Variants in ZSCAN1 observed in about 807,000 individuals in gnomAD.
ZSCAN1 encodes zinc finger and SCAN domain containing 1.
In ZSCAN1, 23 loss-of-function variants were observed where a neutral mutation model predicts 23.8. The ratio of observed to expected loss-of-function variants is 0.97; its 90% confidence interval spans 0.70 to 1.37. The LOEUF (loss-of-function observed/expected upper bound fraction) is 1.37. Among genes scored for constraint, ZSCAN1 ranks in the 40% most tolerant of loss-of-function variants. ZSCAN1 has a pLI of 0.00. For missense variants in ZSCAN1, 575 were observed against 554.0 expected (o/e 1.04, Z -0.38); for synonymous variants, 236 against 232.3 (o/e 1.02, Z -0.15).
intron 4 of ZSCAN1, chr19:58,044,976 G>C: frequency 8.9e-7 from 1 of 1,127,996 alleles, no homozygotes; most frequent in South Asian, 1.3e-5. Context: ...TGAAGGACAA[G>C]AACAAGAAGC....
chr19:58,035,096 ACT>A (rs1307845852), intron 1 of ZSCAN1, among the ~76,000 whole-genome samples: 2 of 151,832 alleles, frequency 1.3e-5, no homozygotes, highest in African/African-American at 4.8e-5. Context: ...TCCAAGTGAC[ACT>A]CTCTCACACA....
At chr19:58,034,434 G>A (rs1274238277) in intron 1 of ZSCAN1, among the ~76,000 whole-genome samples, 3 of 151,886 alleles carry the variant, frequency 2.0e-5, no homozygotes, top group Non-Finnish European at 2.9e-5. Flanking sequence ...CGCCCCTTCC[G>A]CAGGGACCCC....
intron 4 of ZSCAN1, among the ~76,000 whole-genome samples, chr19:58,048,509 T>C (rs2123438037): frequency 6.6e-6 from 1 of 152,368 alleles, no homozygotes; most frequent in Non-Finnish European, 1.5e-5. Flanking sequence ...AGATGGAGTC[T>C]TGCTCTGTTG....
Position 58,045,285 on chromosome 19 carries a change from A to G in ZSCAN1, c.465+4741A>G, listed in dbSNP as rs2073817919. 2 of 791,290 alleles carry G rather than the reference A, an allele frequency of 2.5e-6. No homozygotes were observed. The highest frequency in any genetic ancestry group is 3.4e-5 in the African/African-American group (2 of 59,366). The allele number at this position is 791,290 out of a possible 1,614,324, so 49.0% of individuals were successfully genotyped here. ...GCCTGTTGCTGTGAAACTCTTCCCC[A>G]ACATGTTGCCATCCACATCCGAGAC... On this transcript the variant is annotated intron_variant, in intron 4 of 5. Coordinates refer to ENST00000282326, the MANE Select transcript of ZSCAN1 (RefSeq NM_182572.4). The surrounding 1 kb of genome is among the most constrained non-coding windows in gnomAD (Gnocchi z 4.3).
intron 4 of ZSCAN1, among the ~76,000 whole-genome samples, chr19:58,041,175 C>A (rs1012533721): frequency 1.3e-5 from 2 of 152,256 alleles, no homozygotes; most frequent in African/African-American, 2.4e-5. Context: ...TGACCACTTT[C>A]TGCCTCTGGA....
Position 58,054,001 on chromosome 19 carries a change from G to C in ZSCAN1, c.1177G>C (p.Val393Leu). Reference protein sequence around the residue: ...SVCGKAFPWMVHLIDHQKLHT... With the variant: ...SVCGKAFPWMLHLIDHQKLHT... ...CTGCGGGAAGGCCTTCCCCTGGATG[G>C]TCCACCTCATTGACCACCAGAAGCT... Residue 393 changes from valine (V) to leucine (L), a missense_variant, in exon 6 of 6, where the codon GTC (valine) becomes CTC (leucine). By Grantham distance (32) the Val-to-Leu change is conservative (BLOSUM62 1). Coordinates refer to ENST00000282326, the MANE Select transcript of ZSCAN1 (RefSeq NM_182572.4). The surrounding 1 kb of genome is among the most constrained non-coding windows in gnomAD (Gnocchi z 4.2). 6.4e-7 allele frequency: 1 copy of C among 1,565,616 alleles called. No individual in the cohort carries two copies. Among genetic ancestry groups the C allele is most frequent in the Non-Finnish European group, 8.7e-7 (1 of 1,155,640 alleles).
chr19:58,046,410 C>T (rs532664694), intron 4 of ZSCAN1: 53 of 876,540 alleles, frequency 6.0e-5, no homozygotes, highest in Admixed American at 5.6e-4. Flanking sequence ...AGCAGATAAT[C>T]GGGCAGATCA....
At position 58,054,213 on chromosome 19, in the gene ZSCAN1, C is replaced by T; in HGVS notation, c.*162C>T. On this transcript the variant is annotated 3_prime_UTR_variant, in exon 6 of 6. Transcript: ENST00000282326. The surrounding 1 kb of genome is among the most constrained non-coding windows in gnomAD (Gnocchi z 4.2). ...TCTCGGAAGACCCTGGACACCTGCT[C>T]CGAAGCCAAGCACGGGATGGGGCTT... 1.0e-6 allele frequency: 1 copy of T among 1,000,144 alleles called. No homozygotes were observed. The highest frequency in any genetic ancestry group is 1.4e-6 in the Non-Finnish European group (1 of 716,558). The allele number at this position is 1,000,144 out of a possible 1,614,324, so 62.0% of individuals were successfully genotyped here.
intron 1 of ZSCAN1, chr19:58,035,455 C>T (rs1049075357): frequency 6.6e-6 from 1 of 152,296 alleles, no homozygotes; most frequent in Non-Finnish European, 1.5e-5. Flanking sequence ...AGCCCAGGAC[C>T]CTGGAGGATG....
rs143287637 is a variant in ZSCAN1, at chr19:58,038,049, G to A, written c.213G>A (p.Ala71=). ...GCCGCCAGTGGCTGAGGCCCGAGGC[G>A]CGCTCCAAGGAGCAGATGCTGGAGC... ...TLCRQWLRPE[A]RSKEQMLELL... is the part of the protein sequence containing the mutation. The change falls in exon 3 of 6, where the codon GCG becomes GCA. Residue 71 remains alanine (A), a synonymous_variant. Transcript: ENST00000282326. The A allele has an allele frequency of 2.1e-4, 341 of 1,611,866 alleles. 3 individuals are homozygous for A. The highest frequency in any genetic ancestry group is 1.2e-3 in the South Asian group (109 of 91,046).
Position 58,054,004 on chromosome 19 carries a change from CA to C in ZSCAN1, c.1181del (p.His394ProfsTer56). On this transcript the variant is annotated frameshift_variant, in exon 6 of 6. Coordinates refer to ENST00000282326, the MANE Select transcript of ZSCAN1 (RefSeq NM_182572.4). LOFTEE classifies it low-confidence loss of function (END_TRUNC). This position sits in a 1 kb window ranked among gnomAD's most constrained non-coding sequence, Gnocchi z 4.2. ...VCGKAFPWMV[H>X]LIDHQKLHTA... ...CGGGAAGGCCTTCCCCTGGATGGTCCACCTCATTGACCACCAGAAGCTCCAC... is the reference window on the plus strand; with the variant it reads ...CGGGAAGGCCTTCCCCTGGATGGTCCCCTCATTGACCACCAGAAGCTCCAC... 6.4e-7 allele frequency: 1 copy of C among 1,562,776 alleles called. No individual in the cohort carries two copies. Among genetic ancestry groups the C allele is most frequent in the Admixed American group, 1.9e-5 (1 of 52,990 alleles).
intron 4 of ZSCAN1, among the ~76,000 whole-genome samples, chr19:58,043,496 A>G (rs1269597130): frequency 6.6e-6 from 1 of 152,232 alleles, no homozygotes; most frequent in Non-Finnish European, 1.5e-5. Flanking sequence ...TGAGACTGGA[A>G]GTTGCTCTGG....
In ZSCAN1 at chr19:58,053,860, C is replaced by G. The variant is rs371666572; in HGVS notation, c.1036C>G (p.Pro346Ala). The G allele has an allele frequency of 7.4e-6, 12 of 1,613,738 alleles. No individual in the cohort carries two copies. The highest frequency in any genetic ancestry group is 6.7e-5 in the African/African-American group (5 of 74,924). Residue 346 changes from proline (P) to alanine (A), a missense_variant, in exon 6 of 6, where the codon CCA (proline) becomes GCA (alanine). Transcript: ENST00000282326. The surrounding 1 kb of genome is among the most constrained non-coding windows in gnomAD (Gnocchi z 5.8). Reference protein sequence around the residue: ...TEHGKIHLLEPPRKKAPRSKG... With the variant: ...TEHGKIHLLEAPRKKAPRSKG... ...GCATGGCAAGATCCACCTGCTGGAGCCACCGAGGAAGAAAGCCCCCCGGAG... is the reference window on the plus strand; with the variant it reads ...GCATGGCAAGATCCACCTGCTGGAGGCACCGAGGAAGAAAGCCCCCCGGAG...
At chr19:58,055,029 C>T (rs1036301583), downstream of ZSCAN1, among the ~76,000 whole-genome samples, 2 of 152,222 alleles carry the variant, frequency 1.3e-5, no homozygotes, top group South Asian at 4.1e-4. Flanking sequence ...GGCTTCTCAC[C>T]CGTCCCCAAC....
In ZSCAN1 at chr19:58,045,495, A is replaced by G; in HGVS notation, c.465+4951A>G. The G allele has an allele frequency of 7.3e-7, 1 of 1,374,980 alleles. No individual in the cohort carries two copies. The highest frequency in any genetic ancestry group is 1.2e-5 in the South Asian group (1 of 86,322). 85.2% of individuals were successfully genotyped at this position (1,374,980 alleles called of 1,614,324 possible). On this transcript the variant is annotated intron_variant, in intron 4 of 5. Coordinates refer to ENST00000282326, the MANE Select transcript of ZSCAN1 (RefSeq NM_182572.4). The surrounding 1 kb of genome is among the most constrained non-coding windows in gnomAD (Gnocchi z 4.3). Reference sequence around the variant, plus strand: ...GGGGGAGAGGCCCAGCAATGAGGAAATCATGGGTTTTTCCAAATTATTTGA... The same window carrying G: ...GGGGGAGAGGCCCAGCAATGAGGAAGTCATGGGTTTTTCCAAATTATTTGA...
chr19:58,047,951 CAT>C lies in ZSCAN1; in HGVS notation c.466-4536_466-4535del, dbSNP rs1357799575. On this transcript the variant is annotated intron_variant, in intron 4 of 5. Transcript: ENST00000282326. This position sits in a 1 kb window ranked among gnomAD's most constrained non-coding sequence, Gnocchi z 4.9. ...CCTGCCCAGCCGGCTGTGTCACACT[CAT>C]ATTTTTAAGGTCAGGTTGGTTCCTG... is the stretch of plus-strand genomic sequence containing the variant. Among the ~76,000 whole-genome samples the C allele has an allele frequency of 6.6e-6, 1 of 152,214 alleles. No homozygotes were observed. The highest frequency in any genetic ancestry group is 1.5e-5 in the Non-Finnish European group (1 of 68,032).
At chr19:58,037,115 A>G (rs1599898509) in intron 2 of ZSCAN1, among the ~76,000 whole-genome samples, 3 of 152,262 alleles carry the variant, frequency 2.0e-5, no homozygotes, top group African/African-American at 7.2e-5. Context: ...AGCAAAGATA[A>G]CACCATGGGT....
At chr19:58,050,896 C>T (rs73938596) in intron 4 of ZSCAN1, among the ~76,000 whole-genome samples, 2,212 of 152,236 alleles carry the variant, frequency 0.015, 37 homozygotes, top group African/African-American at 0.032. Context: ...ATCTCCCTCC[C>T]GCCTCCAATC....
At position 58,052,554 on chromosome 19, in the gene ZSCAN1, T is replaced by C; in HGVS notation, c.530T>C (p.Leu177Pro). The change falls in exon 5 of 6, where the codon CTG (leucine) becomes CCG (proline). Residue 177 changes from leucine to proline, a missense_variant. Transcript: ENST00000282326. ...GCACTCCCCGAGGAAAGTGAGTGGC[T>C]GGAGACTACCCAGCTCCAGCAGAGT... is the stretch of plus-strand genomic sequence containing the variant. ...APALPEESEW[L>P]ETTQLQQSLH... is the part of the protein sequence containing the mutation. 1 of 1,614,002 alleles carries C rather than the reference T, an allele frequency of 6.2e-7. No homozygotes were observed. Among genetic ancestry groups the C allele is most frequent in the Non-Finnish European group, 8.5e-7 (1 of 1,180,038 alleles).
Sources: gnomAD v4.1 joint callset for allele counts (sites outside exome capture counted in the v4.1 genomes callset) on GRCh38, gnomAD v4.1.1 for gene constraint, Gnocchi (gnomAD v3.1) non-coding constraint, MANE v1.5 for transcripts, NCBI Gene and HGNC (gene_info 2026-07-23, HGNC 2026-07-21) for gene names.